MBP: variants seen among roughly 807,000 people sequenced by gnomAD.
MBP encodes the protein myelin basic protein, also known as Golli-MBP.
A neutral mutation model predicts 35.8 loss-of-function variants in MBP; 16 were observed. The observed-to-expected ratio is 0.45, with a 90% CI of 0.30 to 0.68. The LOEUF is 0.68. Ranked by LOEUF, MBP falls within the 30% of genes least tolerant of loss-of-function variation. The pLI is 0.08. For missense variants in MBP, 380 were observed against 404.7 expected (o/e 0.94, Z 0.52); for synonymous variants, 143 against 159.6 (o/e 0.90, Z 0.78).
intron 7 of MBP, chr18:76,985,622 C>A: frequency 2.8e-6 from 3 of 1,054,918 alleles, no homozygotes; most frequent in Non-Finnish European, 3.4e-6. Context: ...GCCTGGCTGG[C>A]ACGGGGGGCG....
chr18:77,029,403 AAGAGAG>A (rs1568302182), intron 3 of MBP, among the ~76,000 whole-genome samples: 1 of 126,648 alleles, frequency 7.9e-6, no homozygotes, highest in Non-Finnish European at 1.6e-5. Context: ...AGACCGTGGA[AAGAGAG>A]GGAGAGGGAG....
chr18:76,984,493 T>C, intron 8 of MBP: 2 of 399,708 alleles, frequency 5.0e-6, no homozygotes, highest in Non-Finnish European at 9.3e-6. Context: ...AGCTGGGCCC[T>C]GCCCCAGAGT....
At chr18:77,122,960 G>A (rs1442518207) in intron 1 of MBP, among the ~76,000 whole-genome samples, 1 of 152,222 alleles carries the variant, frequency 6.6e-6, no homozygotes, top group Non-Finnish European at 1.5e-5. Flanking sequence ...TTGTATACAT[G>A]GCAGGGTATT....
chr18:77,112,169 G>GCGCACACACACACACA (rs370587502), intron 1 of MBP, among the ~76,000 whole-genome samples: 74 of 150,994 alleles, frequency 4.9e-4, no homozygotes, highest in African/African-American at 1.7e-3. Flanking sequence ...CCGTGCACAC[G>GCGCACACACACACACA]CACACACACA....
chr18:77,020,151 G>A lies in MBP; in HGVS notation c.140-2883C>T, dbSNP rs1971934684. 6.6e-6 allele frequency among the ~76,000 whole-genome samples: 1 copy of A among 152,058 alleles called. No individual in the cohort carries two copies. Among genetic ancestry groups the A allele is most frequent in the Admixed American group, 6.5e-5 (1 of 15,272 alleles). ...TATGATGGAGATGGTGGTACCCAGAGGCCGGGGGCACCTTGGCTTCCATCC... is the reference window on the plus strand; with the variant it reads ...TATGATGGAGATGGTGGTACCCAGAAGCCGGGGGCACCTTGGCTTCCATCC... On this transcript the variant is annotated intron_variant, in intron 3 of 8. Transcript: ENST00000355994. This position sits in a 1 kb window ranked among gnomAD's most constrained non-coding sequence, Gnocchi z 4.1.
chr18:77,046,195 A>T (rs1014006175), intron 3 of MBP, among the ~76,000 whole-genome samples: 1 of 152,242 alleles, frequency 6.6e-6, no homozygotes, highest in Non-Finnish European at 1.5e-5. Flanking sequence ...ATTAAAACCT[A>T]TAGAGACTTC....
At chr18:77,037,417 G>A (rs551197869) in intron 3 of MBP, among the ~76,000 whole-genome samples, 6 of 152,254 alleles carry the variant, frequency 3.9e-5, no homozygotes, top group Non-Finnish European at 8.8e-5. Flanking sequence ...GAGGTCGGGA[G>A]TATGTCCAGG....
At chr18:76,983,896 T>C (rs2123064711) in intron 8 of MBP, 1 of 152,304 alleles carries the variant, frequency 6.6e-6, no homozygotes, top group East Asian at 1.9e-4. Context: ...ACTGAATCAA[T>C]GAGTATGTTA....
chr18:77,130,670 A>G (rs923053510), intron 1 of MBP, among the ~76,000 whole-genome samples: 3 of 151,276 alleles, frequency 2.0e-5, no homozygotes, highest in Non-Finnish European at 4.4e-5. Flanking sequence ...ACATCACAAG[A>G]AAGTTTGGTC....
chr18:77,039,789 T>C (rs1972910772), intron 3 of MBP, among the ~76,000 whole-genome samples: 1 of 152,196 alleles, frequency 6.6e-6, no homozygotes, highest in Non-Finnish European at 1.5e-5. Flanking sequence ...TTTGTGATCA[T>C]TTATCACTGA....
intron 3 of MBP, among the ~76,000 whole-genome samples, chr18:77,031,869 G>A (rs1437907681): frequency 6.6e-6 from 1 of 152,232 alleles, no homozygotes; most frequent in Non-Finnish European, 1.5e-5. Context: ...AGGCTTGCAG[G>A]CTGTGCCCAG....
At chr18:76,991,347 G>A (rs1969902612) in intron 4 of MBP, among the ~76,000 whole-genome samples, 2 of 152,214 alleles carry the variant, frequency 1.3e-5, no homozygotes, top group South Asian at 2.1e-4. Context: ...CGAGAGGTTA[G>A]CTCACAGTGG....
At chr18:77,098,325 T>G (rs536606306) in intron 2 of MBP, among the ~76,000 whole-genome samples, 2 of 152,098 alleles carry the variant, frequency 1.3e-5, no homozygotes, top group African/African-American at 4.8e-5. Context: ...CCATCTTAAG[T>G]AAGCACAGAG....
chr18:76,988,470 C>G lies in MBP; in HGVS notation c.750+25G>C. ...TGAGGACTGGGACGGAAGAGGAAGC[C>G]GATGGAAGTGCGTTCGTCACCTACC... On this transcript the variant is annotated intron_variant, in intron 7 of 8. Coordinates refer to ENST00000355994, the MANE Select transcript of MBP (RefSeq NM_001025101.2). This position sits in a 1 kb window ranked among gnomAD's most constrained non-coding sequence, Gnocchi z 5.2. The G allele has an allele frequency of 6.2e-7, 1 of 1,614,144 alleles. No individual in the cohort carries two copies. The highest frequency in any genetic ancestry group is 2.2e-5 in the East Asian group (1 of 44,878).
chr18:77,024,036 AC>A (rs561071941), intron 3 of MBP, among the ~76,000 whole-genome samples: 1 of 151,640 alleles, frequency 6.6e-6, no homozygotes, highest in African/African-American at 2.4e-5. Flanking sequence ...AAGACACCAA[AC>A]CCCCCACTCT....
At chr18:77,100,901 T>G (rs1975981882) in intron 2 of MBP, among the ~76,000 whole-genome samples, 1 of 152,010 alleles carries the variant, frequency 6.6e-6, no homozygotes, top group Non-Finnish European at 1.5e-5. Flanking sequence ...GAGGCTTAGC[T>G]ATCACCAGAA....
chr18:77,120,237 C>T (rs144692541), intron 1 of MBP, among the ~76,000 whole-genome samples: 6 of 152,370 alleles, frequency 3.9e-5, no homozygotes, highest in East Asian at 1.9e-4. Flanking sequence ...CTTCTCCCAA[C>T]GCTGGCAAAA....
chr18:77,015,752 A>T (rs1406034208), intron 4 of MBP: 3 of 985,304 alleles, frequency 3.0e-6, no homozygotes, highest in Non-Finnish European at 3.6e-6. Context: ...GCAGTTGGAG[A>T]CTAAAGCAAA....
intron 7 of MBP, chr18:76,985,786 A>G (rs1437970670): frequency 2.0e-6 from 2 of 991,284 alleles, no homozygotes; most frequent in South Asian, 4.5e-5. Flanking sequence ...CTGTGCGAGA[A>G]CACAAGCCGT....
Sources: gnomAD v4.1 joint callset for allele counts (sites outside exome capture counted in the v4.1 genomes callset) on GRCh38, gnomAD v4.1.1 for gene constraint, Gnocchi (gnomAD v3.1) non-coding constraint, MANE v1.5 for transcripts, NCBI Gene and HGNC (gene_info 2026-07-23, HGNC 2026-07-21) for gene names.